SMOC2: variants seen among roughly 807,000 people sequenced by gnomAD.
SMOC2 encodes the protein SPARC related modular calcium binding 2, also known as SPARC-related modular calcium-binding protein 2.
SMOC2 carries 39 observed loss-of-function variants against 61.4 expected under a neutral mutation model. The ratio of observed to expected loss-of-function variants is 0.64; its 90% CI spans 0.49 to 0.83. The LOEUF is 0.83. Ranked by LOEUF, SMOC2 falls within the 40% of genes least tolerant of loss-of-function variation. The pLI is 0.00. For missense variants in SMOC2, 556 were observed against 592.9 expected (o/e 0.94, Z 0.65); for synonymous variants, 247 against 239.9 (o/e 1.03, Z -0.27).
chr6:168,446,843 C>T (rs1046353532), intron 1 of SMOC2, among the ~76,000 whole-genome samples: 1 of 152,118 alleles, frequency 6.6e-6, no homozygotes, highest in African/African-American at 2.4e-5. Flanking sequence ...TTTATAATAT[C>T]TGGCTTAATT....
chr6:168,574,018 C>T (rs1784735015), intron 7 of SMOC2, among the ~76,000 whole-genome samples: 1 of 152,156 alleles, frequency 6.6e-6, no homozygotes, highest in Non-Finnish European at 1.5e-5. Context: ...GCCTTGCGCC[C>T]ACCACAGGGG....
chr6:168,491,808 C>T (rs564462964), intron 1 of SMOC2, among the ~76,000 whole-genome samples: 2 of 152,164 alleles, frequency 1.3e-5, no homozygotes, highest in Admixed American at 1.3e-4. Context: ...TAAAATTAAG[C>T]GGGAACCTTA....
At chr6:168,447,758 C>T (rs1188700426) in intron 1 of SMOC2, among the ~76,000 whole-genome samples, 2 of 151,652 alleles carry the variant, frequency 1.3e-5, no homozygotes, top group Non-Finnish European at 2.9e-5. Flanking sequence ...ACCATTAGGC[C>T]CATCTCATTT....
chr6:168,503,065 CTTTTTTTTTTTT>C (rs762736911), intron 1 of SMOC2, among the ~76,000 whole-genome samples: 8 of 47,804 alleles, frequency 1.7e-4, no homozygotes, highest in Non-Finnish European at 2.5e-4. Context: ...CGTGCCTGGC[CTTTTTTTTTTTT>C]TTTTTTTTTT....
At chr6:168,604,414 A>G (rs1785634781) in intron 8 of SMOC2, among the ~76,000 whole-genome samples, 1 of 152,028 alleles carries the variant, frequency 6.6e-6, no homozygotes, top group African/African-American at 2.4e-5. Context: ...AAAATAATCA[A>G]TATTAGGCAG....
intron 2 of SMOC2, among the ~76,000 whole-genome samples, chr6:168,515,514 A>AAAG (rs1783109217): frequency 6.6e-6 from 1 of 152,190 alleles, no homozygotes; most frequent in Middle Eastern, 3.2e-3. Flanking sequence ...GCCTTTGAAA[A>AAAG]GGGGCTCCTG....
chr6:168,459,517 A>T (rs1781666233), intron 1 of SMOC2, among the ~76,000 whole-genome samples: 1 of 150,178 alleles, frequency 6.7e-6, no homozygotes. Context: ...ATGAAGCAGA[A>T]CTTGGGTCTG....
intron 8 of SMOC2, among the ~76,000 whole-genome samples, chr6:168,600,268 G>A (rs375845179): frequency 7.0e-4 from 106 of 152,100 alleles, no homozygotes; most frequent in African/African-American, 2.3e-3. Context: ...TTAGCTGGGC[G>A]TGGTGGTGGA....
At chr6:168,634,152 G>A (rs77046334) in intron 9 of SMOC2, among the ~76,000 whole-genome samples, 11,189 of 152,198 alleles carry the variant, frequency 0.074, 565 homozygotes, top group Admixed American at 0.13. Flanking sequence ...ATTTAGCAGC[G>A]TGAGAACGGA....
At chr6:168,618,812 C>T (rs927928707) in intron 9 of SMOC2, among the ~76,000 whole-genome samples, 8 of 152,086 alleles carry the variant, frequency 5.3e-5, no homozygotes, top group African/African-American at 1.9e-4. Flanking sequence ...GGGCTCTCGA[C>T]GCAGCAGGCA....
intron 7 of SMOC2, among the ~76,000 whole-genome samples, chr6:168,569,810 T>C (rs1453236915): frequency 6.6e-6 from 1 of 152,248 alleles, no homozygotes; most frequent in Non-Finnish European, 1.5e-5. Context: ...GCTTGTCTTC[T>C]CATTCTCCTA....
intron 8 of SMOC2, among the ~76,000 whole-genome samples, chr6:168,600,417 AAAAACAAAAAAAAAAAC>A (rs1205362982): frequency 4.3e-5 from 1 of 23,098 alleles, no homozygotes; most frequent in East Asian, 1.6e-3. Flanking sequence ...CAAAAAAAAA[AAAAACAAAAAAAAAAAC>A]AAAAAAAAAA....
intron 1 of SMOC2, among the ~76,000 whole-genome samples, chr6:168,480,019 C>A (rs772583365): frequency 6.6e-6 from 1 of 152,090 alleles, no homozygotes; most frequent in Non-Finnish European, 1.5e-5. Flanking sequence ...TCAGAAAAGA[C>A]CTGAGAGGAC....
chr6:168,614,497 ACACCTACAGCCAGCACAGG>A (rs1785997495), intron 9 of SMOC2, among the ~76,000 whole-genome samples: 6 of 53,682 alleles, frequency 1.1e-4, no homozygotes, highest in African/African-American at 5.0e-4. Context: ...GGGCCTCTTC[ACACCTACAGCCAGCACAGG>A]GCCTCTTCAC....
intron 7 of SMOC2, among the ~76,000 whole-genome samples, chr6:168,578,252 G>T (rs112068171): frequency 0.03 from 4,629 of 152,256 alleles, 263 homozygotes; most frequent in African/African-American, 0.11. Flanking sequence ...AGTCCTTTGC[G>T]AGCTGAAAGT....
chr6:168,466,182 G>C (rs1348151822), intron 1 of SMOC2, among the ~76,000 whole-genome samples: 8 of 149,630 alleles, frequency 5.3e-5, no homozygotes, highest in African/African-American at 1.7e-4. Flanking sequence ...TGCTCTGAGA[G>C]CTGGAACATT....
At chr6:168,605,444 GA>G (rs1330205417) in intron 8 of SMOC2, among the ~76,000 whole-genome samples, 1 of 152,266 alleles carries the variant, frequency 6.6e-6, no homozygotes, top group East Asian at 1.9e-4. Context: ...AAAGAATGGT[GA>G]TGGATGACAA....
intron 2 of SMOC2, among the ~76,000 whole-genome samples, chr6:168,523,310 G>A (rs1419212895): frequency 1.4e-5 from 2 of 146,354 alleles, no homozygotes; most frequent in African/African-American, 5.0e-5. Flanking sequence ...GGATGGTCTC[G>A]ATCTCCTGAC....
intron 1 of SMOC2, among the ~76,000 whole-genome samples, chr6:168,472,717 AT>A (rs896920835): frequency 6.6e-6 from 1 of 152,214 alleles, no homozygotes; most frequent in African/African-American, 2.4e-5. Context: ...GAATGCAGGC[AT>A]TTTTTCCCCT....
Sources: allele counts gnomAD v4.1 joint callset (sites outside exome capture counted in the v4.1 genomes callset), GRCh38; gene constraint gnomAD v4.1.1; transcripts MANE v1.5; gene names NCBI Gene and HGNC (gene_info 2026-07-23, HGNC 2026-07-21).